Variants in PCDH7 observed in about 807,000 individuals in gnomAD.
The protein encoded by PCDH7 is protocadherin-7.
In PCDH7, 17 loss-of-function variants were observed where a neutral mutation model predicts 58.9. The ratio of observed to expected loss-of-function variants is 0.29; its 90% CI spans 0.20 to 0.43. The LOEUF is 0.43. Ranked by LOEUF, PCDH7 falls within the 20% of genes least tolerant of loss-of-function variation. The pLI is 1.00. For synonymous variants in PCDH7, 664 were observed against 616.4 expected, an observed-to-expected ratio of 1.08 and a Z score of -1.14; for missense variants, 1,274 against 1,441.0, an observed-to-expected ratio of 0.88 and a Z score of 1.88.
chr4:31,086,311 C>T (rs1363053505), intron 3 of PCDH7, among the ~76,000 whole-genome samples: 9 of 152,074 alleles, frequency 5.9e-5, no homozygotes, highest in Admixed American at 5.2e-4. Flanking sequence ...AATTCTTGAC[C>T]TACAGCATTT....
At chr4:31,070,201 C>A (rs918292024) in intron 3 of PCDH7, among the ~76,000 whole-genome samples, 1 of 151,924 alleles carries the variant, frequency 6.6e-6, no homozygotes, top group Non-Finnish European at 1.5e-5. Context: ...CTTCATATTT[C>A]CACCTTAGAT....
At chr4:31,080,843 T>G (rs968852914) in intron 3 of PCDH7, among the ~76,000 whole-genome samples, 3 of 152,158 alleles carry the variant, frequency 2.0e-5, no homozygotes, top group Admixed American at 1.3e-4. Flanking sequence ...CAATGGGAGA[T>G]AATGGAATCA....
chr4:31,097,638 A>ATAT (rs370034723), intron 3 of PCDH7, among the ~76,000 whole-genome samples: 23 of 79,224 alleles, frequency 2.9e-4, no homozygotes, highest in Non-Finnish European at 4.1e-4. Context: ...ATATATATAT[A>ATAT]AATCTTTTTT....
chr4:31,058,349 ATC>A (rs1757421881), intron 3 of PCDH7, among the ~76,000 whole-genome samples: 1 of 152,044 alleles, frequency 6.6e-6, no homozygotes, highest in Admixed American at 6.6e-5. Context: ...TGTGAAATTC[ATC>A]TTAAATAATG....
intron 1 of PCDH7, among the ~76,000 whole-genome samples, chr4:30,849,701 G>A (rs1578038261): frequency 1.3e-5 from 2 of 151,974 alleles, no homozygotes; most frequent in South Asian, 2.1e-4. Flanking sequence ...TTAAAGCATC[G>A]ATCATTTTCT....
rs75852979 is a variant in PCDH7 at position 31,006,972 on chromosome 4, T to C, written c.*7+56757T>C. ...AATGATCTATTACATATAGCTATTT[T>C]AACAGCCTACTATTGTTTATATTTT... On this transcript the variant is annotated intron_variant, in intron 3 of 3. Coordinates refer to the PCDH7 transcript ENST00000509759. Among the ~76,000 whole-genome samples, 479 of 152,204 alleles carry C rather than the reference T, an allele frequency of 3.1e-3. 2 individuals are homozygous for C. The highest frequency in any genetic ancestry group is 0.011 in the African/African-American group (462 of 41,544).
chr4:30,743,725 C>CAT (rs1211085589), intron 1 of PCDH7, among the ~76,000 whole-genome samples: 1 of 151,036 alleles, frequency 6.6e-6, no homozygotes, highest in Non-Finnish European at 1.5e-5. Context: ...CTCTCTCATA[C>CAT]ATACACACAC....
At chr4:30,725,576 T>C (rs1448090136) in intron 1 of PCDH7, among the ~76,000 whole-genome samples, 1 of 152,194 alleles carries the variant, frequency 6.6e-6, no homozygotes, top group East Asian at 1.9e-4. Flanking sequence ...GTTTACTTTG[T>C]ATATCTACCA....
chr4:30,850,212 G>A (rs1732544052), intron 1 of PCDH7, among the ~76,000 whole-genome samples: 1 of 152,082 alleles, frequency 6.6e-6, no homozygotes, highest in East Asian at 1.9e-4. Flanking sequence ...CATATTATTT[G>A]TGGTTGAGGG....
At chr4:30,813,257 T>C (rs1276496369) in intron 1 of PCDH7, among the ~76,000 whole-genome samples, 1 of 152,224 alleles carries the variant, frequency 6.6e-6, no homozygotes. Context: ...ATTTGTTTCA[T>C]ATTTGTTTGC....
intron 3 of PCDH7, among the ~76,000 whole-genome samples, chr4:31,062,959 A>G (rs1046907243): frequency 1.3e-5 from 2 of 151,906 alleles, no homozygotes; most frequent in African/African-American, 2.4e-5. Flanking sequence ...CAGTATAGCT[A>G]GTATAACTAC....
chr4:30,728,896 C>A (rs1715041950), intron 1 of PCDH7, among the ~76,000 whole-genome samples: 1 of 150,932 alleles, frequency 6.6e-6, no homozygotes, highest in African/African-American at 2.4e-5. Context: ...TTAGTGTATA[C>A]CATTTATAGC....
intron 3 of PCDH7, among the ~76,000 whole-genome samples, chr4:31,056,458 G>GAAAGAAGA (rs376643176): frequency 4.8e-5 from 4 of 83,154 alleles, no homozygotes; most frequent in Admixed American, 1.3e-4. Flanking sequence ...AAGAAAGAAA[G>GAAAGAAGA]AAGAAAGAAA....
intron 3 of PCDH7, among the ~76,000 whole-genome samples, chr4:31,054,039 C>T (rs1318068101): frequency 1.3e-5 from 2 of 152,044 alleles, no homozygotes; most frequent in African/African-American, 4.8e-5. Context: ...AATCAGAGCT[C>T]ACTGCAACCT....
At chr4:30,923,434 C>A (rs1257963481) in intron 2 of PCDH7, among the ~76,000 whole-genome samples, 1 of 152,108 alleles carries the variant, frequency 6.6e-6, no homozygotes, top group African/African-American at 2.4e-5. Flanking sequence ...ATGATGAATA[C>A]AATTTCATTC....
intron 1 of PCDH7, among the ~76,000 whole-genome samples, chr4:30,915,467 G>T (rs186708711): frequency 6.6e-6 from 1 of 152,060 alleles, no homozygotes; most frequent in Admixed American, 6.6e-5. Flanking sequence ...GAAATGTTAC[G>T]CTTCCTTGAC....
At chr4:30,931,580 A>C (rs867572265) in intron 2 of PCDH7, among the ~76,000 whole-genome samples, 32 of 151,682 alleles carry the variant, frequency 2.1e-4, no homozygotes, top group Middle Eastern at 3.2e-3. Context: ...ATCTCAAAAA[A>C]ATATATATAT....
intron 1 of PCDH7, among the ~76,000 whole-genome samples, chr4:30,820,383 A>G (rs190250324): frequency 1.9e-4 from 29 of 152,282 alleles, no homozygotes; most frequent in Admixed American, 3.3e-4. Flanking sequence ...GAAGTGACAC[A>G]TTAAACTGAA....
chr4:30,982,772 T>C (rs1022208364), intron 3 of PCDH7, among the ~76,000 whole-genome samples: 1 of 152,182 alleles, frequency 6.6e-6, no homozygotes, highest in South Asian at 2.1e-4. Flanking sequence ...CTTTCCGTTG[T>C]ATGATCTCTT....
Sources: gnomAD v4.1 joint callset for allele counts (sites outside exome capture counted in the v4.1 genomes callset) on GRCh38, gnomAD v4.1.1 for gene constraint, MANE v1.5 for transcripts, NCBI Gene and HGNC (gene_info 2026-07-23, HGNC 2026-07-21) for gene names.